Variants in LOXL3 observed in about 807,000 individuals in gnomAD.
LOXL3 encodes lysyl oxidase like 3, also known as lysyl oxidase homolog 3.
A neutral mutation model predicts 91.8 loss-of-function variants in LOXL3; 60 were observed. The ratio of observed to expected loss-of-function variants is 0.65; its 90% CI spans 0.53 to 0.81. The LOEUF is 0.81. Among genes scored for constraint, LOXL3 ranks in the 30% least tolerant of loss-of-function variants. LOXL3 has a pLI of 0.00. For missense variants in LOXL3, 874 were observed against 1,000.4 expected, an observed-to-expected ratio of 0.87 and a Z score of 1.70; for synonymous variants, 355 against 387.6, an observed-to-expected ratio of 0.92 and a Z score of 0.99.
intron 4 of LOXL3, among the ~76,000 whole-genome samples, chr2:74,544,933 A>G (rs887512121): frequency 5.9e-5 from 9 of 152,168 alleles, no homozygotes; most frequent in Non-Finnish European, 8.8e-5. Flanking sequence ...TTTCCCCACG[A>G]AGAATGGCCT....
chr2:74,536,575 G>T lies in LOXL3; in HGVS notation c.913-104C>A. 1.4e-6 allele frequency: 2 copies of T among 1,446,796 alleles called. No homozygotes were observed. Among genetic ancestry groups the T allele is most frequent in the Non-Finnish European group, 1.9e-6 (2 of 1,056,780 alleles). The allele number at this position is 1,446,796 out of a possible 1,614,324, so 89.6% of individuals were successfully genotyped here. A position where few individuals can be genotyped will look rare whatever the true frequency, so the allele number is the denominator to read the frequency against. On this transcript the variant is annotated intron_variant, in intron 5 of 13. Transcript: ENST00000264094. This position sits in a 1 kb window ranked among gnomAD's most constrained non-coding sequence, Gnocchi z 4.5. ...AGACTTTGGTGGAAGGGAGTGGGTG[G>T]TATCAGGTCTGTGGCCCACCCCCTG...
intron 4 of LOXL3, among the ~76,000 whole-genome samples, chr2:74,543,589 A>T (rs1010546506): frequency 6.6e-6 from 1 of 152,094 alleles, no homozygotes; most frequent in African/African-American, 2.4e-5. Context: ...TCTCAGAAAT[A>T]GAGTCAAAGG....
At chr2:74,555,475 G>C (rs146076267), upstream of LOXL3, 512 of 1,608,226 alleles carry the variant, frequency 3.2e-4, 4 homozygotes, top group African/African-American at 5.7e-3. This position sits in a 1 kb window ranked among gnomAD's most constrained non-coding sequence, Gnocchi z 6.1. Context: ...CGGCGATGCG[G>C]GGTGGGGGCA....
chr2:74,551,050 A>G (rs960387846), intron 2 of LOXL3, among the ~76,000 whole-genome samples: 4 of 151,212 alleles, frequency 2.6e-5, no homozygotes, highest in African/African-American at 9.8e-5. Context: ...CTCCTGCCTT[A>G]GCCTCCCAAG....
chr2:74,532,571 G>A lies in LOXL3; in HGVS notation c.*1035C>T. The A allele has an allele frequency of 6.9e-7, 1 of 1,447,024 alleles. No homozygotes were observed. The highest frequency in any genetic ancestry group is 9.7e-7 in the Non-Finnish European group (1 of 1,031,884). The allele number at this position is 1,447,024 out of a possible 1,614,324, so 89.6% of individuals were successfully genotyped here. On this transcript the variant is annotated 3_prime_UTR_variant, in exon 14 of 14. Coordinates refer to ENST00000264094, the MANE Select transcript of LOXL3 (RefSeq NM_032603.5). ...AGAGACTTGAGGTGGAACTCAGGAT[G>A]GGGAGAATGCCTGGGTTTGGCTAAT... is the stretch of plus-strand genomic sequence containing the variant.
Position 74,532,354 on chromosome 2 carries a change from A to G in LOXL3, c.*1252T>C, listed in dbSNP as rs1675671910. ...GCTCAACTTAAGTTCTTTCCCCTTA[A>G]AGCTTCTCTTAGTATTCTAGAATGA... On this transcript the variant is annotated 3_prime_UTR_variant, in exon 14 of 14. Coordinates refer to ENST00000264094, the MANE Select transcript of LOXL3 (RefSeq NM_032603.5). 4.0e-6 allele frequency: 2 copies of G among 506,084 alleles called. No homozygotes were observed. Among genetic ancestry groups the G allele is most frequent in the Non-Finnish European group, 7.2e-6 (2 of 278,174 alleles). The allele number at this position is 506,084 out of a possible 1,614,324, so 31.3% of individuals were successfully genotyped here. A position where few individuals can be genotyped will look rare whatever the true frequency, so the allele number is the denominator to read the frequency against.
chr2:74,532,954 C>T lies in LOXL3; in HGVS notation c.*652G>A, dbSNP rs886056346. On this transcript the variant is annotated 3_prime_UTR_variant, in exon 14 of 14. Coordinates refer to ENST00000264094, the MANE Select transcript of LOXL3 (RefSeq NM_032603.5). ...ATCCGGCGGGGACGAGAAACACTGACCTTATATGTGACCCCTGAGGTCACA... is the reference window on the plus strand; with the variant it reads ...ATCCGGCGGGGACGAGAAACACTGATCTTATATGTGACCCCTGAGGTCACA... 15 of 1,613,594 alleles carry T rather than the reference C, an allele frequency of 9.3e-6. No individual in the cohort carries two copies. Among genetic ancestry groups the T allele is most frequent in the Non-Finnish European group, 1.3e-5 (15 of 1,179,856 alleles).
At position 74,552,489 on chromosome 2, in the gene LOXL3, A is replaced by AAGCC; in HGVS notation, c.142_145dup (p.Phe49TrpfsTer18). The AAGCC allele has an allele frequency of 3.7e-6, 6 of 1,613,522 alleles. No homozygotes were observed. Among genetic ancestry groups the AAGCC allele is most frequent in the Non-Finnish European group, 5.1e-6 (6 of 1,179,916 alleles). On this transcript the variant is annotated frameshift_variant, in exon 2 of 14. Coordinates refer to ENST00000264094, the MANE Select transcript of LOXL3 (RefSeq NM_032603.5). LOFTEE classifies it high-confidence loss of function. The stretch of plus-strand genomic sequence containing the variant: ...GCGGCCCTCGTAGGGCTTCCTGGGG[A>AAGCC]AGCCAGCCAGCCGGAACCGAAGCCC...
At chr2:74,550,042 G>A in intron 3 of LOXL3, 143 bp downstream of exon 3, 2 of 1,473,058 alleles carry the variant, frequency 1.4e-6, no homozygotes, top group Non-Finnish European at 8.9e-7. Flanking sequence ...GCATCTGGGA[G>A]CTCTATCATT....
At position 74,534,194 on chromosome 2, in the gene LOXL3, C is replaced by G. The variant is rs2104388305; in HGVS notation, c.1982G>C (p.Gly661Ala). 2 of 1,614,194 alleles carry G rather than the reference C, an allele frequency of 1.2e-6. No homozygotes were observed. The highest frequency in any genetic ancestry group is 1.7e-6 in the Non-Finnish European group (2 of 1,180,024). Residue 661 changes from glycine to alanine, a missense_variant, in exon 12 of 14, where the codon GGC (glycine) becomes GCC (alanine). Coordinates refer to ENST00000264094, the MANE Select transcript of LOXL3 (RefSeq NM_032603.5). The stretch of plus-strand genomic sequence containing the variant: ...GAGATCCCAGCAACCCACAGTGATG[C>G]CTTGCTCTCCAAAGTTGGCACACTC... ...RYECANFGEQ[G>A]ITVGCWDLYR...
Position 74,549,706 on chromosome 2 carries a change from G to T in LOXL3, c.478-123C>A, listed in dbSNP as rs1040970224. The T allele has an allele frequency of 1.4e-6, 2 of 1,447,402 alleles. No individual in the cohort carries two copies. Among genetic ancestry groups the T allele is most frequent in the African/African-American group, 2.9e-5 (2 of 69,782 alleles). The allele number at this position is 1,447,402 out of a possible 1,614,324, so 89.7% of individuals were successfully genotyped here. A position where few individuals can be genotyped will look rare whatever the true frequency, so the allele number is the denominator to read the frequency against. ...CCAGTGGCGGGATGGGCCCGAGGCG[G>T]CGCTGAGAGAGCGGCCACGATGGCC... is the stretch of plus-strand genomic sequence containing the variant. On this transcript the variant is annotated intron_variant, in intron 3 of 13. Transcript: ENST00000264094. The surrounding 1 kb of genome is among the most constrained non-coding windows in gnomAD (Gnocchi z 5.3).
chr2:74,541,285 G>A (rs1676311571), intron 4 of LOXL3, among the ~76,000 whole-genome samples: 2 of 152,316 alleles, frequency 1.3e-5, no homozygotes, highest in South Asian at 2.1e-4. Context: ...TTGAATTGTG[G>A]TATCCTTGGG....
Position 74,552,478 on chromosome 2 carries a change from G to A in LOXL3, c.157C>T (p.Pro53Ser). 6.2e-7 allele frequency: 1 copy of A among 1,613,604 alleles called. No individual in the cohort carries two copies. The highest frequency in any genetic ancestry group is 2.2e-5 in the East Asian group (1 of 44,884). ...TGTATCTCCACGCGGCCCTCGTAGG[G>A]CTTCCTGGGGAAGCCAGCCAGCCGG... Reference protein sequence around the residue: ...RFRLAGFPRKPYEGRVEIQRA... With the variant: ...RFRLAGFPRKSYEGRVEIQRA... Residue 53 changes from proline to serine, a missense_variant, in exon 2 of 14, where the codon CCC (proline) becomes TCC (serine). Transcript: ENST00000264094.
Position 74,533,543 on chromosome 2 carries a change from G to A in LOXL3, c.*63C>T. ...ATGGGTTTCTTGGTAAGCTCCTGAG[G>A]TAATGGCAGCCTCAGACCCCTGCCA... On this transcript the variant is annotated 3_prime_UTR_variant, in exon 14 of 14. Coordinates refer to ENST00000264094, the MANE Select transcript of LOXL3 (RefSeq NM_032603.5). 2 of 1,453,338 alleles carry A rather than the reference G, an allele frequency of 1.4e-6. No individual in the cohort carries two copies. Among genetic ancestry groups the A allele is most frequent in the Non-Finnish European group, 1.9e-6 (2 of 1,038,908 alleles). The allele number at this position is 1,453,338 out of a possible 1,614,324, so 90.0% of individuals were successfully genotyped here.
In LOXL3 at chr2:74,550,019, G is replaced by T. The variant is rs549196144; in HGVS notation, c.477+166C>A. 4.4e-4 allele frequency: 430 copies of T among 985,424 alleles called. 1 individual carries two copies. Among genetic ancestry groups the T allele is most frequent in the Middle Eastern group, 1.0e-3 (2 of 1,914 alleles). 61.0% of individuals were successfully genotyped at this position (985,424 alleles called of 1,614,324 possible). ...CCTTGAATGTGAATGCTAAAAACCT[G>T]TTGGATTTTACAGCATCTGGGAGCT... On this transcript the variant is annotated intron_variant, in intron 3 of 13. Coordinates refer to ENST00000264094, the MANE Select transcript of LOXL3 (RefSeq NM_032603.5).
At chr2:74,533,792 G>A (rs1362110854) in intron 13 of LOXL3, 90 bp downstream of exon 13, 1 of 1,425,822 alleles carries the variant, frequency 7.0e-7, no homozygotes, top group African/African-American at 1.4e-5. Flanking sequence ...CAGGAAGGTG[G>A]GAAGATGGAG....
chr2:74,536,298 C>T lies in LOXL3; in HGVS notation c.1086G>A (p.Met362Ile), dbSNP rs760202534. ...ACCTCCATGCCACCTCACCCTGCCC[C>T]ATGCGAGCGCCACTCAGAGCTTCTC... ...SAREALSGAR[M>I]GQGMGAIHLS... Residue 362 changes from methionine to isoleucine, a missense_variant, in exon 6 of 14, where the codon ATG (methionine) becomes ATA (isoleucine). Coordinates refer to ENST00000264094, the MANE Select transcript of LOXL3 (RefSeq NM_032603.5). The surrounding 1 kb of genome is among the most constrained non-coding windows in gnomAD (Gnocchi z 4.5). 1.2e-6 allele frequency: 2 copies of T among 1,613,638 alleles called. No homozygotes were observed. The highest frequency in any genetic ancestry group is 1.3e-5 in the African/African-American group (1 of 74,926).
At chr2:74,542,626 CTTTT>C (rs1188624876) in intron 4 of LOXL3, among the ~76,000 whole-genome samples, 1 of 140,948 alleles carries the variant, frequency 7.1e-6, no homozygotes, top group Admixed American at 7.1e-5. Flanking sequence ...TCTCTTCCTA[CTTTT>C]TTTTTTTTTT....
At chr2:74,539,207 G>A (rs1278661453) in intron 4 of LOXL3, among the ~76,000 whole-genome samples, 1 of 152,198 alleles carries the variant, frequency 6.6e-6, no homozygotes, top group Non-Finnish European at 1.5e-5. Flanking sequence ...TAGAGGTAGT[G>A]GTTACATATG....
Sources: allele counts gnomAD v4.1 joint callset (sites outside exome capture counted in the v4.1 genomes callset), GRCh38; gene constraint gnomAD v4.1.1; non-coding constraint Gnocchi (gnomAD v3.1); transcripts MANE v1.5; gene names NCBI Gene and HGNC (gene_info 2026-07-23, HGNC 2026-07-21).